The following CACNA1E variants were observed in gnomAD, a reference collection of about 807,000 sequenced individuals.
The protein encoded by CACNA1E is voltage-dependent R-type calcium channel subunit alpha-1E.
CACNA1E carries 40 observed loss-of-function variants against 259.2 expected under a neutral mutation model. The observed-to-expected ratio is 0.15, with a 90% CI of 0.12 to 0.20. The LOEUF is 0.20. Among genes scored for constraint, CACNA1E ranks in the 10% least tolerant of loss-of-function variants. The probability of loss-of-function intolerance (pLI) is 1.00; values close to 1 mark genes in which losing one functional copy is unlikely to be tolerated. For missense variants in CACNA1E, 1,874 were observed against 3,040.1 expected (o/e 0.62, Z 9.02); for synonymous variants, 1,104 against 1,138.5 (o/e 0.97, Z 0.61).
intron 3 of CACNA1E, among the ~76,000 whole-genome samples, chr1:181,520,107 T>C (rs951356152): frequency 5.9e-5 from 9 of 152,372 alleles, no homozygotes; most frequent in Middle Eastern, 6.8e-3. Context: ...GCAGAAGGCT[T>C]CATATTCTAT....
At chr1:181,332,512 A>T (rs1177249010) in intron 1 of CACNA1E, among the ~76,000 whole-genome samples, 1 of 152,210 alleles carries the variant, frequency 6.6e-6, no homozygotes, top group Non-Finnish European at 1.5e-5. Context: ...CTAGCTCCTG[A>T]TAAGTTTGCT....
chr1:181,537,168 C>T (rs1015111059), intron 3 of CACNA1E, among the ~76,000 whole-genome samples: 2 of 140,864 alleles, frequency 1.4e-5, no homozygotes, highest in African/African-American at 2.7e-5. Context: ...GGCACGATCT[C>T]GGCTCACTGC....
At chr1:181,371,569 G>A (rs1654714091) in intron 1 of CACNA1E, among the ~76,000 whole-genome samples, 1 of 152,104 alleles carries the variant, frequency 6.6e-6, no homozygotes. Flanking sequence ...ACTGCATCTG[G>A]CCAGAAGCTC....
At chr1:181,687,894 C>A (rs1016205257) in intron 7 of CACNA1E, among the ~76,000 whole-genome samples, 1 of 152,132 alleles carries the variant, frequency 6.6e-6, no homozygotes, top group African/African-American at 2.4e-5. Flanking sequence ...TTGAAACCAC[C>A]TTTATTCCTT....
At chr1:181,658,636 C>A (rs1267656941) in intron 7 of CACNA1E, among the ~76,000 whole-genome samples, 1 of 152,130 alleles carries the variant, frequency 6.6e-6, no homozygotes, top group Non-Finnish European at 1.5e-5. Flanking sequence ...ATCCAGCTGT[C>A]GGGCCATGGG....
chr1:181,713,000 C>T (rs923934892), intron 8 of CACNA1E, among the ~76,000 whole-genome samples: 1 of 152,308 alleles, frequency 6.6e-6, no homozygotes, highest in African/African-American at 2.4e-5. Flanking sequence ...AGACGCACTG[C>T]GACGTCAAAG....
At chr1:181,402,071 A>G (rs965984996) in intron 1 of CACNA1E, among the ~76,000 whole-genome samples, 5 of 152,208 alleles carry the variant, frequency 3.3e-5, no homozygotes, top group African/African-American at 1.2e-4. Context: ...GTTTTGTATC[A>G]TTACATATTT....
intron 6 of CACNA1E, among the ~76,000 whole-genome samples, chr1:181,635,167 T>C (rs1454139695): frequency 6.6e-6 from 1 of 152,144 alleles, no homozygotes; most frequent in Non-Finnish European, 1.5e-5. Context: ...AGTGGGAAGA[T>C]CCTCCCTTAA....
At chr1:181,360,001 C>A (rs1339721075) in intron 1 of CACNA1E, among the ~76,000 whole-genome samples, 1 of 152,082 alleles carries the variant, frequency 6.6e-6, no homozygotes, top group East Asian at 1.9e-4. Context: ...TTTGACTCTC[C>A]CTCTCTCAAT....
At chr1:181,641,158 T>C (rs1657710772) in intron 6 of CACNA1E, among the ~76,000 whole-genome samples, 1 of 152,240 alleles carries the variant, frequency 6.6e-6, no homozygotes, top group Admixed American at 6.5e-5. Flanking sequence ...AATGAATATG[T>C]ATGCTACTGT....
chr1:181,318,576 C>G (rs550220057), intron 1 of CACNA1E, among the ~76,000 whole-genome samples: 20 of 152,218 alleles, frequency 1.3e-4, no homozygotes, highest in Non-Finnish European at 2.5e-4. Context: ...CTTGGGGCCT[C>G]TGGCCGCCCT....
chr1:181,545,861 A>T (rs977560571), intron 3 of CACNA1E, among the ~76,000 whole-genome samples: 8 of 152,116 alleles, frequency 5.3e-5, no homozygotes, highest in African/African-American at 1.9e-4. Flanking sequence ...CCCCAAGTCC[A>T]AACACTTTCT....
chr1:181,643,498 G>T (rs1482886985), intron 6 of CACNA1E, among the ~76,000 whole-genome samples: 4 of 152,152 alleles, frequency 2.6e-5, no homozygotes. Context: ...AGCGTGGATG[G>T]GTTTTCACTG....
At chr1:181,684,215 C>T (rs762547626) in intron 7 of CACNA1E, among the ~76,000 whole-genome samples, 4 of 152,028 alleles carry the variant, frequency 2.6e-5, no homozygotes, top group African/African-American at 4.8e-5. Flanking sequence ...TTTTGATTTG[C>T]GTTTCTCTAA....
intron 7 of CACNA1E, among the ~76,000 whole-genome samples, chr1:181,680,080 T>C (rs1415889739): frequency 1.6e-5 from 2 of 126,170 alleles, no homozygotes; most frequent in Non-Finnish European, 3.1e-5. Flanking sequence ...AAGTCCAGCC[T>C]GCATGACAGA....
At chr1:181,638,324 A>T (rs1243394316) in intron 6 of CACNA1E, among the ~76,000 whole-genome samples, 4 of 152,238 alleles carry the variant, frequency 2.6e-5, no homozygotes, top group African/African-American at 9.6e-5. Flanking sequence ...GAATAGTATT[A>T]CAATATGAAA....
At chr1:181,382,838 C>T (rs138462050) in intron 1 of CACNA1E, among the ~76,000 whole-genome samples, 91 of 152,308 alleles carry the variant, frequency 6.0e-4, no homozygotes, top group Non-Finnish European at 9.1e-4. Context: ...CTGGTCTTAT[C>T]TTGCTAGTCA....
chr1:181,365,902 A>AG (rs1417449225), intron 1 of CACNA1E, among the ~76,000 whole-genome samples: 6 of 152,210 alleles, frequency 3.9e-5, no homozygotes, highest in Non-Finnish European at 8.8e-5. Flanking sequence ...GAGGAGGATT[A>AG]GGGCAGATGT....
chr1:181,357,960 C>T (rs898533899), intron 1 of CACNA1E, among the ~76,000 whole-genome samples: 1 of 152,114 alleles, frequency 6.6e-6, no homozygotes. Flanking sequence ...CCTTTCATGA[C>T]ATTTGCCATG....
Sources: gnomAD v4.1 joint callset for allele counts (sites outside exome capture counted in the v4.1 genomes callset) on GRCh38, gnomAD v4.1.1 for gene constraint, MANE v1.5 for transcripts, NCBI Gene and HGNC (gene_info 2026-07-23, HGNC 2026-07-21) for gene names.